GDAP1L1: variants seen among roughly 807,000 people sequenced by gnomAD.
GDAP1L1 encodes the protein ganglioside-induced differentiation-associated protein 1-like 1.
Under a neutral mutation model 37.1 loss-of-function variants are expected in GDAP1L1, and 21 were observed. The ratio of observed to expected loss-of-function variants is 0.57; its 90% CI spans 0.40 to 0.81. The LOEUF (loss-of-function observed/expected upper bound fraction) is 0.81. GDAP1L1 is among the 40% of genes least tolerant of loss of function. The pLI is 0.00. For synonymous variants in GDAP1L1, 193 were observed against 209.1 expected, an observed-to-expected ratio of 0.92 and a Z score of 0.67; for missense variants, 362 against 491.6, an observed-to-expected ratio of 0.74 and a Z score of 2.49.
chr20:44,263,244 G>A lies in GDAP1L1; in HGVS notation c.562G>A (p.Ala188Thr). Reference protein sequence around the residue: ...TAEIRRHLANATTDLMKLDHE... With the variant: ...TAEIRRHLANTTTDLMKLDHE... Reference sequence around the variant, plus strand: ...TATCTCCCCAGGACATTTAGCCAATGCCACCACGGACCTCATGAAACTGGA... The same window carrying A: ...TATCTCCCCAGGACATTTAGCCAATACCACCACGGACCTCATGAAACTGGA... The change falls in exon 4 of 6, where the codon GCC becomes ACC. Residue 188 changes from alanine to threonine, a missense_variant. Around this residue, in one of 2 missense-constraint regions of GDAP1L1, gnomAD observed 277 missense variants for 337.1 expected, o/e 0.82. Transcript: ENST00000342560. The A allele has an allele frequency of 1.2e-6, 2 of 1,614,002 alleles. No individual in the cohort carries two copies. The highest frequency in any genetic ancestry group is 1.7e-6 in the Non-Finnish European group (2 of 1,179,916).
intron 1 of GDAP1L1, among the ~76,000 whole-genome samples, chr20:44,251,629 G>C (rs921410983): frequency 3.3e-5 from 5 of 152,186 alleles, no homozygotes; most frequent in African/African-American, 1.2e-4. Context: ...GATGGGGGCA[G>C]CAACGAGATG....
intron 5 of GDAP1L1, among the ~76,000 whole-genome samples, chr20:44,271,578 T>C (rs1417551216): frequency 6.6e-6 from 1 of 152,054 alleles, no homozygotes; most frequent in Non-Finnish European, 1.5e-5. Context: ...AGGAGAGGAA[T>C]GAAGGCGGTG....
rs773363915 is a variant in GDAP1L1, at chr20:44,279,535, GA to G, written c.*241del. On this transcript the variant is annotated 3_prime_UTR_variant, in exon 6 of 6. Transcript: ENST00000342560. ...AGAGAGAGGAAGCGAGAGAGAGAGA[GA>G]AAAAACAAAAAACAGAAAACACGAA... The G allele has an allele frequency of 7.4e-6, 5 of 676,142 alleles. No homozygotes were observed. The highest frequency in any genetic ancestry group is 1.1e-5 in the Non-Finnish European group (4 of 359,580). The allele number at this position is 676,142 out of a possible 1,614,324, so 41.9% of individuals were successfully genotyped here. A position where few individuals can be genotyped will look rare whatever the true frequency, so the allele number is the denominator to read the frequency against.
At chr20:44,251,459 C>T (rs919928573) in intron 1 of GDAP1L1, among the ~76,000 whole-genome samples, 8 of 152,222 alleles carry the variant, frequency 5.3e-5, no homozygotes, top group African/African-American at 1.9e-4. Flanking sequence ...TTCAGACACC[C>T]AGGCATGGCA....
chr20:44,277,853 G>A (rs2062599821), intron 5 of GDAP1L1, among the ~76,000 whole-genome samples: 1 of 152,082 alleles, frequency 6.6e-6, no homozygotes, highest in Non-Finnish European at 1.5e-5. Flanking sequence ...ATGTGGGGGT[G>A]AAAAAGAATT....
chr20:44,259,492 AT>A (rs11481104), intron 3 of GDAP1L1, among the ~76,000 whole-genome samples: 1,806 of 132,472 alleles, frequency 0.014, 34 homozygotes, highest in African/African-American at 0.043. Context: ...AAGACTCAGA[AT>A]TTTTTTTTTT....
intron 5 of GDAP1L1, 189 bp downstream of exon 5, chr20:44,264,748 G>C: frequency 3.1e-6 from 4 of 1,284,326 alleles, no homozygotes; most frequent in Non-Finnish European, 4.1e-6. Flanking sequence ...AATGTGGTCA[G>C]GTTCTCCCCT....
intron 1 of GDAP1L1, among the ~76,000 whole-genome samples, chr20:44,247,998 C>T (rs1025721370): frequency 7.9e-5 from 12 of 152,254 alleles, no homozygotes; most frequent in Non-Finnish European, 1.5e-4. Context: ...CTCCTCTGCC[C>T]CTCTGTCTGC....
At chr20:44,248,066 C>T (rs1412417109) in intron 1 of GDAP1L1, among the ~76,000 whole-genome samples, 1 of 152,330 alleles carries the variant, frequency 6.6e-6, no homozygotes, top group East Asian at 1.9e-4. Context: ...CCACCCCCCA[C>T]TCCGTGTCTT....
At chr20:44,259,540 G>T (rs6073387) in intron 3 of GDAP1L1, among the ~76,000 whole-genome samples, 27,234 of 147,212 alleles carry the variant, frequency 0.18, 2,749 homozygotes, top group Middle Eastern at 0.29. Flanking sequence ...CTGTCATCCA[G>T]GCTGGAGTGT....
rs766812961 is a variant in GDAP1L1, at chr20:44,257,332, C to T, written c.360C>T (p.Arg120=). 6.8e-6 allele frequency: 11 copies of T among 1,613,498 alleles called. No individual in the cohort carries two copies. Among genetic ancestry groups the T allele is most frequent in the South Asian group, 1.1e-5 (1 of 90,988 alleles). ...ACCAGATCATTGACTATGTGGAGCG[C>T]ACCTTCACAGGAGGTACGGCTGCCT... ...DYDQIIDYVE[R]TFTGEHVVAL... The change falls in exon 2 of 6, where the codon CGC becomes CGT. Residue 120 remains arginine (R), a synonymous_variant. Coordinates refer to ENST00000342560, the MANE Select transcript of GDAP1L1 (RefSeq NM_024034.6).
chr20:44,263,439 C>G, intron 4 of GDAP1L1, 112 bp downstream of exon 4: 1 of 831,808 alleles, frequency 1.2e-6, no homozygotes, highest in Non-Finnish European at 2.0e-6. Context: ...GGAAAAGCCC[C>G]TGGCTTGCTT....
chr20:44,257,007 C>T lies in GDAP1L1; in HGVS notation c.181-146C>T, dbSNP rs1175237401. On this transcript the variant is annotated intron_variant, in intron 1 of 5. Transcript: ENST00000342560. ...TGCCCCTGGGAGATATCCCCCCAAA[C>T]CCAGGTGCCCAAGAATGGGCTGAAA... is the stretch of plus-strand genomic sequence containing the variant. 6 of 836,388 alleles carry T rather than the reference C, an allele frequency of 7.2e-6. No homozygotes were observed. The African/African-American group carries it at 8.6e-5, about 12-fold the overall frequency. 51.8% of individuals were successfully genotyped at this position (836,388 alleles called of 1,614,324 possible).
intron 5 of GDAP1L1, chr20:44,264,986 G>A (rs1163607396): frequency 1.0e-6 from 1 of 985,180 alleles, no homozygotes; most frequent in Non-Finnish European, 1.2e-6. Context: ...GTTGTTTCCA[G>A]CATGTCACAA....
intron 1 of GDAP1L1, among the ~76,000 whole-genome samples, chr20:44,253,568 C>T (rs1028645199): frequency 6.6e-6 from 1 of 152,226 alleles, no homozygotes; most frequent in Admixed American, 6.5e-5. Flanking sequence ...CAATGCGGCA[C>T]TGTGGGTGAT....
intron 3 of GDAP1L1, among the ~76,000 whole-genome samples, chr20:44,259,163 G>T (rs1442712388): frequency 6.6e-6 from 1 of 152,194 alleles, no homozygotes; most frequent in East Asian, 1.9e-4. Context: ...TTACCCATGA[G>T]CATGTCCTGT....
chr20:44,276,701 C>A (rs1299346161), intron 5 of GDAP1L1, among the ~76,000 whole-genome samples: 1 of 146,190 alleles, frequency 6.8e-6, no homozygotes, highest in South Asian at 2.2e-4. Context: ...ATTTATTGAG[C>A]ACCTATTGTA....
intron 3 of GDAP1L1, 38 bp from the exon 4 acceptor site, chr20:44,263,192 G>A: frequency 1.3e-6 from 2 of 1,530,672 alleles, no homozygotes; most frequent in Non-Finnish European, 1.8e-6. Flanking sequence ...AGCAACCAAG[G>A]TATCAGAGGG....
intron 1 of GDAP1L1, among the ~76,000 whole-genome samples, chr20:44,256,755 C>T (rs927360493): frequency 6.6e-6 from 1 of 152,154 alleles, no homozygotes; most frequent in African/African-American, 2.4e-5. Context: ...ACGACGATCA[C>T]AAATTGAGTG....
Sources: allele counts gnomAD v4.1 joint callset (sites outside exome capture counted in the v4.1 genomes callset), GRCh38; gene constraint gnomAD v4.1.1; regional missense constraint gnomAD v4.1.1; transcripts MANE v1.5; gene names NCBI Gene and HGNC (gene_info 2026-07-23, HGNC 2026-07-21).